Variants in PLCB1 observed in about 807,000 individuals in gnomAD.
PLCB1 encodes the protein phospholipase C beta 1.
Under a neutral mutation model 161.8 loss-of-function variants are expected in PLCB1, and 46 were observed. The observed-to-expected ratio is 0.28, with a 90% CI of 0.22 to 0.36. The LOEUF is 0.36. Ranked by LOEUF, PLCB1 falls within the 10% of genes least tolerant of loss-of-function variation. The pLI is 1.00. For synonymous variants in PLCB1, 517 were observed against 503.7 expected, an observed-to-expected ratio of 1.03 and a Z score of -0.35; for missense variants, 1,016 against 1,472.5, an observed-to-expected ratio of 0.69 and a Z score of 5.07.
In PLCB1 at chr20:8,436,435, GA is replaced by G. The variant is rs987763897; in HGVS notation, c.246+64995del. ...TCTGGACTTCTTAAGTTGTGTTCAA[GA>G]AAAAAAAAACAAGACAACAAACACT... On this transcript the variant is annotated intron_variant, in intron 3 of 31. Transcript: ENST00000338037. Among the ~76,000 whole-genome samples the G allele has an allele frequency of 8.6e-3, 1,029 of 120,266 alleles. 9 individuals are homozygous for G. The highest frequency in any genetic ancestry group is 0.014 in the Admixed American group (163 of 11,414). The allele number at this position is 120,266 out of a possible 152,430, so 78.9% of individuals were successfully genotyped here. A position where few individuals can be genotyped will look rare whatever the true frequency, so the allele number is the denominator to read the frequency against.
intron 3 of PLCB1, among the ~76,000 whole-genome samples, chr20:8,620,415 C>T (rs6055952): frequency 4.5e-4 from 69 of 152,070 alleles, no homozygotes; most frequent in African/African-American, 1.5e-3. Flanking sequence ...TTTCTTCAAA[C>T]GACAGAGCCG....
At chr20:8,575,102 G>A (rs968771159) in intron 3 of PLCB1, among the ~76,000 whole-genome samples, 1 of 152,204 alleles carries the variant, frequency 6.6e-6, no homozygotes, top group African/African-American at 2.4e-5. Context: ...ATAAGGACAT[G>A]GAGGCTCAGT....
intron 2 of PLCB1, among the ~76,000 whole-genome samples, chr20:8,178,257 G>A (rs2051803400): frequency 6.6e-6 from 1 of 152,156 alleles, no homozygotes; most frequent in Non-Finnish European, 1.5e-5. Flanking sequence ...AATTCTTTGA[G>A]AAATAGCCAA....
At chr20:8,293,975 C>A (rs903427178) in intron 2 of PLCB1, among the ~76,000 whole-genome samples, 3 of 152,126 alleles carry the variant, frequency 2.0e-5, no homozygotes, top group Non-Finnish European at 2.9e-5. Context: ...TTGAGTTGCA[C>A]ATCTTGGGAC....
intron 9 of PLCB1, among the ~76,000 whole-genome samples, chr20:8,682,558 G>A (rs1456290034): frequency 6.6e-6 from 1 of 152,196 alleles, no homozygotes; most frequent in East Asian, 1.9e-4. Flanking sequence ...CTTGGGAAAA[G>A]CAGTCATCGG....
intron 14 of PLCB1, among the ~76,000 whole-genome samples, chr20:8,720,872 A>G (rs890146837): frequency 1.6e-4 from 25 of 151,626 alleles, no homozygotes; most frequent in African/African-American, 4.8e-5. Context: ...AAAAAAAGGT[A>G]ATAAGAACTT....
rs151058350 is a variant in PLCB1, at chr20:8,227,471, C to G, written c.177+77100C>G. On this transcript the variant is annotated intron_variant, in intron 2 of 31. Coordinates refer to ENST00000338037, the MANE Select transcript of PLCB1 (RefSeq NM_015192.4). ...CAAACACATAGCATACTGCTGACCT[C>G]ACAGCAGGTACTCCAGCCAACCAAT... 2.1e-3 allele frequency among the ~76,000 whole-genome samples: 317 copies of G among 152,272 alleles called. 2 individuals carry two copies. Among genetic ancestry groups the G allele is most frequent in the Middle Eastern group, 0.017 (5 of 294 alleles).
At chr20:8,627,189 A>C (rs542369062) in intron 3 of PLCB1, among the ~76,000 whole-genome samples, 91 of 152,330 alleles carry the variant, frequency 6.0e-4, no homozygotes, top group African/African-American at 1.9e-3. Flanking sequence ...CCAAACAGAG[A>C]AAGTTTTATT....
intron 27 of PLCB1, 72 bp downstream of exon 27, chr20:8,774,791 A>G: frequency 2.2e-6 from 3 of 1,343,170 alleles, no homozygotes; most frequent in Admixed American, 2.0e-5. Flanking sequence ...ATACTTTTGG[A>G]TAACTAAAAG....
At chr20:8,152,640 A>C (rs2051521147) in intron 2 of PLCB1, among the ~76,000 whole-genome samples, 2 of 152,140 alleles carry the variant, frequency 1.3e-5, no homozygotes, top group Non-Finnish European at 2.9e-5. Context: ...CAGAAAACAA[A>C]AAAAAAATGT....
chr20:8,769,207 T>C (rs1600311501), intron 26 of PLCB1, among the ~76,000 whole-genome samples: 1 of 152,174 alleles, frequency 6.6e-6, no homozygotes, highest in Admixed American at 6.5e-5. Flanking sequence ...TAACAGAGCG[T>C]TGTGTAAGAC....
At chr20:8,759,039 A>G (rs1234269425) in intron 24 of PLCB1, among the ~76,000 whole-genome samples, 1 of 152,174 alleles carries the variant, frequency 6.6e-6, no homozygotes, top group Non-Finnish European at 1.5e-5. Flanking sequence ...CCCAAATTGT[A>G]TTTTATTGTC....
At chr20:8,391,827 A>ATAT (rs1987613564) in intron 3 of PLCB1, among the ~76,000 whole-genome samples, 1 of 134,122 alleles carries the variant, frequency 7.5e-6, no homozygotes, top group Non-Finnish European at 1.6e-5. Flanking sequence ...ATATATATAC[A>ATAT]CACACATATA....
At chr20:8,530,831 C>T (rs1476178730) in intron 3 of PLCB1, among the ~76,000 whole-genome samples, 1 of 152,050 alleles carries the variant, frequency 6.6e-6, no homozygotes, top group Non-Finnish European at 1.5e-5. Context: ...TAAGTTCAGG[C>T]TGTTTTTTTC....
chr20:8,849,458 CT>C (rs2146299770), intron 31 of PLCB1, among the ~76,000 whole-genome samples: 1 of 150,084 alleles, frequency 6.7e-6, no homozygotes, highest in African/African-American at 2.5e-5. Flanking sequence ...GGCAGATCAC[CT>C]GAGGTCAGGA....
At chr20:8,314,596 G>A (rs574000250) in intron 2 of PLCB1, among the ~76,000 whole-genome samples, 1 of 152,126 alleles carries the variant, frequency 6.6e-6, no homozygotes, top group African/African-American at 2.4e-5. Context: ...CCAAATGAGG[G>A]TTGTTTTGAG....
chr20:8,722,680 A>G (rs1454512271), intron 15 of PLCB1, among the ~76,000 whole-genome samples: 3 of 152,202 alleles, frequency 2.0e-5, no homozygotes, highest in African/African-American at 4.8e-5. Context: ...ACCTATTTAT[A>G]TAAACTTAGG....
At chr20:8,371,164 T>C (rs1986891496) in intron 2 of PLCB1, 2 of 506,928 alleles carry the variant, frequency 3.9e-6, no homozygotes, top group Non-Finnish European at 7.0e-6. Context: ...CCACACACTT[T>C]TTGCTTTCAA....
rs554521908 is a variant in PLCB1 at position 8,650,894 on chromosome 20, C to G, written c.594+1445C>G. On this transcript the variant is annotated intron_variant, in intron 7 of 31. Coordinates refer to ENST00000338037, the MANE Select transcript of PLCB1 (RefSeq NM_015192.4). Reference sequence around the variant, plus strand: ...AGTTTGGATCTAAACACCTACTTTGCTCATACGGTGGTAAAGTAGGTGAGA... The same window carrying G: ...AGTTTGGATCTAAACACCTACTTTGGTCATACGGTGGTAAAGTAGGTGAGA... 2.0e-5 allele frequency among the ~76,000 whole-genome samples: 3 copies of G among 152,246 alleles called. No individual in the cohort carries two copies. The South Asian group carries it at 6.2e-4, about 32-fold the overall frequency.
Sources: allele counts gnomAD v4.1 joint callset (sites outside exome capture counted in the v4.1 genomes callset), GRCh38; gene constraint gnomAD v4.1.1; transcripts MANE v1.5; gene names NCBI Gene and HGNC (gene_info 2026-07-23, HGNC 2026-07-21).